The following VSNL1 variants were observed in gnomAD, a reference collection of about 807,000 sequenced individuals.
VSNL1 encodes the protein visinin-like protein 1.
VSNL1 carries 6 observed loss-of-function variants against 20.4 expected under a neutral mutation model. That is an observed-to-expected ratio of 0.29 (90% CI 0.16 to 0.58). VSNL1 has a LOEUF of 0.58. Ranked by LOEUF, VSNL1 falls within the 20% of genes least tolerant of loss-of-function variation. The pLI, the probability that VSNL1 is intolerant of heterozygous loss-of-function variation, is 0.90. For missense variants in VSNL1, 100 were observed against 234.5 expected (o/e 0.43, Z 3.75); for synonymous variants, 93 against 86.4 (o/e 1.08, Z -0.42).
chr2:17,575,302 C>T (rs149162503), intron 1 of VSNL1, among the ~76,000 whole-genome samples: 50 of 152,280 alleles, frequency 3.3e-4, no homozygotes, highest in Non-Finnish European at 5.9e-4. Flanking sequence ...GGGCATCCAT[C>T]ATTAGCTTAA....
chr2:17,579,712 C>T (rs992042309), intron 1 of VSNL1, among the ~76,000 whole-genome samples: 14 of 152,300 alleles, frequency 9.2e-5, no homozygotes, highest in African/African-American at 3.4e-4. Flanking sequence ...GTCCAATGAA[C>T]TTATCAAAGC....
intron 1 of VSNL1, among the ~76,000 whole-genome samples, chr2:17,564,487 A>G (rs1035246710): frequency 6.6e-6 from 1 of 152,248 alleles, no homozygotes; most frequent in African/African-American, 2.4e-5. Flanking sequence ...AACAGCAGCA[A>G]CTACAAATGA....
chr2:17,542,910 C>T (rs1663321385), intron 1 of VSNL1, among the ~76,000 whole-genome samples: 1 of 152,092 alleles, frequency 6.6e-6, no homozygotes, highest in Non-Finnish European at 1.5e-5. Flanking sequence ...AGGCCCAGAA[C>T]CATGGATGTA....
intron 2 of VSNL1, among the ~76,000 whole-genome samples, chr2:17,644,810 C>T (rs1665959097): frequency 6.6e-6 from 1 of 152,206 alleles, no homozygotes; most frequent in South Asian, 2.1e-4. Context: ...GGTACAAGAC[C>T]AGGTCATCCA....
intron 1 of VSNL1, among the ~76,000 whole-genome samples, chr2:17,548,606 A>G (rs548461656): frequency 1.3e-5 from 2 of 152,128 alleles, no homozygotes; most frequent in East Asian, 1.9e-4. Context: ...AATATAAATA[A>G]TTCCTTCTCC....
intron 2 of VSNL1, among the ~76,000 whole-genome samples, chr2:17,618,163 T>C (rs1452732135): frequency 6.6e-6 from 1 of 152,206 alleles, no homozygotes; most frequent in Admixed American, 6.5e-5. Context: ...ATCAGTTTCC[T>C]ACTGCTGCTG....
rs1040309810 is a variant in VSNL1, at chr2:17,649,803, A to AACC, written c.378+180_378+182dup. On this transcript the variant is annotated intron_variant, in intron 3 of 3. Coordinates refer to ENST00000295156, the MANE Select transcript of VSNL1 (RefSeq NM_003385.5). The surrounding 1 kb of genome is among the most constrained non-coding windows in gnomAD (Gnocchi z 6.4). ...CAGCACAGTGCTGGGGAGGTCCCAG[A>AACC]ACCAAGCCATGGGGCCCGTACTGTC... is the stretch of plus-strand genomic sequence containing the variant. 4.6e-5 allele frequency among the ~76,000 whole-genome samples: 7 copies of AACC among 152,160 alleles called. No individual in the cohort carries two copies. Among genetic ancestry groups the AACC allele is most frequent in the Admixed American group, 3.9e-4 (6 of 15,276 alleles).
At chr2:17,606,607 T>A (rs1407353296) in intron 2 of VSNL1, among the ~76,000 whole-genome samples, 4 of 152,092 alleles carry the variant, frequency 2.6e-5, no homozygotes, top group Non-Finnish European at 4.4e-5. Context: ...ACAACTTCCC[T>A]CTCTAGCAGA....
intron 1 of VSNL1, among the ~76,000 whole-genome samples, chr2:17,553,796 A>G (rs1488559032): frequency 6.6e-6 from 1 of 152,222 alleles, no homozygotes; most frequent in Non-Finnish European, 1.5e-5. Flanking sequence ...TGTGAGGACT[A>G]GAAATAATAT....
chr2:17,558,413 A>G (rs931016618), intron 1 of VSNL1, among the ~76,000 whole-genome samples: 1 of 152,210 alleles, frequency 6.6e-6, no homozygotes, highest in Non-Finnish European at 1.5e-5. Flanking sequence ...CCTGGCCTTT[A>G]AAGTAGTAGA....
intron 2 of VSNL1, among the ~76,000 whole-genome samples, chr2:17,610,654 T>G (rs942611577): frequency 2.0e-5 from 3 of 152,202 alleles, no homozygotes; most frequent in African/African-American, 7.2e-5. Context: ...TGGCAAGACA[T>G]TCCCCTTCCT....
At chr2:17,564,683 A>G (rs1206885074) in intron 1 of VSNL1, among the ~76,000 whole-genome samples, 1 of 152,196 alleles carries the variant, frequency 6.6e-6, no homozygotes, top group East Asian at 1.9e-4. Context: ...GAAAATAGAA[A>G]CTTTATAAAA....
At chr2:17,622,367 G>A (rs1277688051) in intron 2 of VSNL1, among the ~76,000 whole-genome samples, 3 of 151,450 alleles carry the variant, frequency 2.0e-5, no homozygotes, top group Non-Finnish European at 2.9e-5. Flanking sequence ...GCATGGTGGC[G>A]GGTGCCTGTA....
At chr2:17,631,138 A>G (rs899164600) in intron 2 of VSNL1, among the ~76,000 whole-genome samples, 10 of 152,166 alleles carry the variant, frequency 6.6e-5, no homozygotes, top group African/African-American at 2.4e-4. Context: ...TCTTATAACA[A>G]TTGTCTAGCC....
chr2:17,559,055 G>A (rs1431311796), intron 1 of VSNL1, among the ~76,000 whole-genome samples: 2 of 151,872 alleles, frequency 1.3e-5, no homozygotes, highest in Non-Finnish European at 2.9e-5. Context: ...TTGGCTAGCC[G>A]TCCTTAGCAG....
At chr2:17,621,607 A>T (rs1474725928) in intron 2 of VSNL1, among the ~76,000 whole-genome samples, 1 of 152,122 alleles carries the variant, frequency 6.6e-6, no homozygotes. Context: ...TATAGGCATG[A>T]GCCACCGTGC....
intron 2 of VSNL1, among the ~76,000 whole-genome samples, chr2:17,617,510 G>A (rs62133577): frequency 0.052 from 7,865 of 151,906 alleles, 252 homozygotes; most frequent in East Asian, 0.091. Context: ...AAAAAAAAGA[G>A]GTCTTGAGAC....
chr2:17,627,525 T>C (rs1419356791), intron 2 of VSNL1, among the ~76,000 whole-genome samples: 1 of 152,132 alleles, frequency 6.6e-6, no homozygotes, highest in Non-Finnish European at 1.5e-5. Context: ...TTTTTAAGGA[T>C]AATTTGGTGG....
intron 2 of VSNL1, among the ~76,000 whole-genome samples, chr2:17,605,643 C>G (rs1664928492): frequency 1.3e-5 from 2 of 152,182 alleles, no homozygotes; most frequent in South Asian, 4.1e-4. Flanking sequence ...AGAGCCCCCT[C>G]TCAGGGCTGA....
Sources: gnomAD v4.1 joint callset for allele counts (sites outside exome capture counted in the v4.1 genomes callset) on GRCh38, gnomAD v4.1.1 for gene constraint, Gnocchi (gnomAD v3.1) non-coding constraint, MANE v1.5 for transcripts, NCBI Gene and HGNC (gene_info 2026-07-23, HGNC 2026-07-21) for gene names.